Variants in THSD7A observed in about 807,000 individuals in gnomAD.
THSD7A encodes the protein thrombospondin type 1 domain containing 7A, also known as thrombospondin type-1 domain-containing protein 7A.
A neutral mutation model predicts 231.3 loss-of-function variants in THSD7A; 96 were observed. The observed-to-expected ratio is 0.41, with a 90% CI of 0.35 to 0.49. The LOEUF is 0.49. Among genes scored for constraint, THSD7A ranks in the 20% least tolerant of loss-of-function variants. The pLI is 0.05. For synonymous variants in THSD7A, 940 were observed against 743.3 expected (o/e 1.26, Z -4.30); for missense variants, 2,290 against 2,070.2 (o/e 1.11, Z -2.06).
chr7:11,811,997 G>A (rs1342721206), intron 1 of THSD7A, among the ~76,000 whole-genome samples: 1 of 152,050 alleles, frequency 6.6e-6, no homozygotes, highest in Non-Finnish European at 1.5e-5. Context: ...ACACAACACA[G>A]GTGGTCAGAC....
chr7:11,807,776 A>T (rs1421853571), intron 1 of THSD7A, among the ~76,000 whole-genome samples: 3 of 152,182 alleles, frequency 2.0e-5, no homozygotes, highest in Non-Finnish European at 4.4e-5. Context: ...CTAAGTTTTA[A>T]ATCAATAATA....
intron 1 of THSD7A, among the ~76,000 whole-genome samples, chr7:11,709,614 G>T (rs1332392245): frequency 1.3e-5 from 2 of 150,852 alleles, no homozygotes; most frequent in Non-Finnish European, 3.0e-5. Context: ...AAAAAATACA[G>T]TAAGGCCTTA....
intron 1 of THSD7A, among the ~76,000 whole-genome samples, chr7:11,695,475 T>C (rs1019786869): frequency 6.6e-6 from 1 of 151,474 alleles, no homozygotes; most frequent in Non-Finnish European, 1.5e-5. Flanking sequence ...TTGACTTCCA[T>C]ATAGTGTCAG....
intron 6 of THSD7A, among the ~76,000 whole-genome samples, chr7:11,484,011 C>T (rs1180628807): frequency 6.6e-6 from 1 of 151,854 alleles, no homozygotes; most frequent in Non-Finnish European, 1.5e-5. Context: ...TCCGCACTCC[C>T]CCTGCCCCCC....
chr7:11,672,890 C>G (rs561450729), intron 1 of THSD7A, among the ~76,000 whole-genome samples: 2 of 152,046 alleles, frequency 1.3e-5, no homozygotes, highest in Non-Finnish European at 1.5e-5. Context: ...AAGAGACAGT[C>G]TGAAATAATT....
intron 1 of THSD7A, among the ~76,000 whole-genome samples, chr7:11,711,211 G>C (rs539685439): frequency 6.6e-6 from 1 of 150,960 alleles, no homozygotes; most frequent in African/African-American, 2.4e-5. Context: ...TGATACTTTT[G>C]TGCCAGAGTC....
chr7:11,530,365 G>A (rs6964073), intron 6 of THSD7A, among the ~76,000 whole-genome samples: 12,560 of 152,086 alleles, frequency 0.083, 791 homozygotes, highest in East Asian at 0.18. Flanking sequence ...AAGTTTACTT[G>A]AGGAGAAATT....
chr7:11,572,557 G>A (rs1395482551), intron 4 of THSD7A, among the ~76,000 whole-genome samples: 1 of 152,182 alleles, frequency 6.6e-6, no homozygotes, highest in African/African-American at 2.4e-5. Flanking sequence ...TGCCCAGGCT[G>A]CAGTGCAGTG....
chr7:11,536,812 T>G (rs1417587582), intron 6 of THSD7A, among the ~76,000 whole-genome samples: 2 of 151,682 alleles, frequency 1.3e-5, no homozygotes, highest in Non-Finnish European at 2.9e-5. Context: ...AACTATGAGT[T>G]CTATAACTTC....
intron 9 of THSD7A, among the ~76,000 whole-genome samples, chr7:11,469,019 T>A (rs1389971822): frequency 6.6e-6 from 1 of 152,120 alleles, no homozygotes. Context: ...CCTAAAGGAT[T>A]TGATTAAATT....
chr7:11,508,698 T>G (rs899911115), intron 6 of THSD7A, among the ~76,000 whole-genome samples: 2 of 152,218 alleles, frequency 1.3e-5, no homozygotes, highest in African/African-American at 4.8e-5. Flanking sequence ...ACAACCTAAG[T>G]GTCTATTTAT....
intron 1 of THSD7A, among the ~76,000 whole-genome samples, chr7:11,700,224 T>C (rs1263515550): frequency 6.6e-6 from 1 of 151,200 alleles, no homozygotes; most frequent in East Asian, 2.0e-4. Flanking sequence ...TTAGATAAAT[T>C]CCTAGCAGGC....
At chr7:11,663,970 G>C (rs992218519) in intron 1 of THSD7A, among the ~76,000 whole-genome samples, 3 of 151,290 alleles carry the variant, frequency 2.0e-5, no homozygotes, top group Non-Finnish European at 4.4e-5. Context: ...TAATAAATAA[G>C]GATAAATTTA....
intron 2 of THSD7A, among the ~76,000 whole-genome samples, chr7:11,629,542 T>C (rs1218635772): frequency 6.6e-6 from 1 of 152,218 alleles, no homozygotes; most frequent in Non-Finnish European, 1.5e-5. Flanking sequence ...AGTGTTACTT[T>C]AAATAGTGGG....
At chr7:11,641,834 T>G (rs1005094186) in intron 1 of THSD7A, among the ~76,000 whole-genome samples, 6 of 152,042 alleles carry the variant, frequency 3.9e-5, no homozygotes, top group Non-Finnish European at 5.9e-5. Context: ...ATCTTTTCAT[T>G]GCACCTTGGG....
chr7:11,689,943 A>C (rs1041116993), intron 1 of THSD7A, among the ~76,000 whole-genome samples: 6 of 151,812 alleles, frequency 4.0e-5, no homozygotes, highest in African/African-American at 1.4e-4. Flanking sequence ...CCAAATTATA[A>C]TTTTCATTTT....
intron 13 of THSD7A, among the ~76,000 whole-genome samples, chr7:11,441,840 G>A (rs1172832764): frequency 2.6e-5 from 4 of 151,940 alleles, no homozygotes. Context: ...GCAGGGGTCG[G>A]GGGCTAGGGG....
At chr7:11,727,988 G>A (rs962052247) in intron 1 of THSD7A, among the ~76,000 whole-genome samples, 1 of 151,880 alleles carries the variant, frequency 6.6e-6, no homozygotes, top group African/African-American at 2.4e-5. Flanking sequence ...GCTTCCTAAG[G>A]TGTTTGTAAG....
chr7:11,526,067 C>T (rs1048984671), intron 6 of THSD7A, among the ~76,000 whole-genome samples: 5 of 152,084 alleles, frequency 3.3e-5, no homozygotes, highest in Non-Finnish European at 5.9e-5. Context: ...TGGAGTTCTA[C>T]GTTAAAGGAT....
Sources: gnomAD v4.1 joint callset for allele counts (sites outside exome capture counted in the v4.1 genomes callset) on GRCh38, gnomAD v4.1.1 for gene constraint, MANE v1.5 for transcripts, NCBI Gene and HGNC (gene_info 2026-07-23, HGNC 2026-07-21) for gene names.